The following MED12L variants were observed in gnomAD, a reference collection of about 807,000 sequenced individuals.
MED12L encodes the protein mediator complex subunit 12L, also known as mediator of RNA polymerase II transcription subunit 12-like protein.
MED12L carries 60 observed loss-of-function variants against 281.3 expected under a neutral mutation model. The observed-to-expected ratio is 0.21, with a 90% CI of 0.17 to 0.26. The LOEUF (loss-of-function observed/expected upper bound fraction) is 0.26. MED12L is among the 10% of genes least tolerant of loss of function. MED12L has a pLI of 1.00. For missense variants in MED12L, 2,146 were observed against 2,680.9 expected, an observed-to-expected ratio of 0.80 and a Z score of 4.41; for synonymous variants, 974 against 987.2, an observed-to-expected ratio of 0.99 and a Z score of 0.25.
At chr3:151,264,610 A>C (rs1739488000) in intron 16 of MED12L, among the ~76,000 whole-genome samples, 1 of 152,192 alleles carries the variant, frequency 6.6e-6, no homozygotes, top group African/African-American at 2.4e-5. Flanking sequence ...TTGCAGTTTA[A>C]TTTGTGTATT....
At chr3:151,198,193 G>A (rs1197474045) in intron 16 of MED12L, 1 of 372,702 alleles carries the variant, frequency 2.7e-6, no homozygotes, top group African/African-American at 2.1e-5. Flanking sequence ...CGTTCAATGA[G>A]ACTCTTTAGT....
chr3:151,417,219 G>A (rs953116093), intron 43 of MED12L, among the ~76,000 whole-genome samples: 9 of 152,182 alleles, frequency 5.9e-5, no homozygotes, highest in African/African-American at 1.7e-4. Context: ...CTGGCTGACC[G>A]CTCATGTCTC....
intron 23 of MED12L, among the ~76,000 whole-genome samples, chr3:151,366,487 G>C (rs183246989): frequency 4.8e-4 from 73 of 152,304 alleles, no homozygotes; most frequent in Non-Finnish European, 8.1e-4. Context: ...GGCAATTAAT[G>C]CCTGGAAGAT....
intron 16 of MED12L, 61 bp from the exon 17 acceptor site, chr3:151,349,998 A>G: frequency 6.6e-7 from 1 of 1,523,130 alleles, no homozygotes; most frequent in Non-Finnish European, 9.0e-7. Context: ...CATTTCAGGG[A>G]TATGAAATGC....
chr3:151,125,922 G>T (rs1389819549), intron 4 of MED12L, among the ~76,000 whole-genome samples: 1 of 152,064 alleles, frequency 6.6e-6, no homozygotes, highest in Admixed American at 6.6e-5. Context: ...TAGTTGTGTT[G>T]TGTGCAGTGT....
rs1237036382 is a variant in MED12L at position 151,243,623 on chromosome 3, A to T, written c.2250+49957A>T. On this transcript the variant is annotated intron_variant, in intron 16 of 44. Coordinates refer to ENST00000687756, the MANE Select transcript of MED12L (RefSeq NM_001393769.1). ...AAAGAGCTCCTGAAGGAAGCGCTAAACATGGAAAGGAACAACTGGTACCAG... is the reference window on the plus strand; with the variant it reads ...AAAGAGCTCCTGAAGGAAGCGCTAATCATGGAAAGGAACAACTGGTACCAG... 1.1e-4 allele frequency among the ~76,000 whole-genome samples: 17 copies of T among 151,950 alleles called. No individual in the cohort carries two copies. In the East Asian group the frequency reaches 3.3e-3, roughly 29 times the overall value.
At chr3:151,353,526 A>T (rs967255292) in intron 17 of MED12L, among the ~76,000 whole-genome samples, 15 of 152,216 alleles carry the variant, frequency 9.9e-5, no homozygotes, top group Admixed American at 5.9e-4. Flanking sequence ...TTAAATTCTG[A>T]TGTACTCTAG....
chr3:151,338,879 A>G (rs754761664), intron 16 of MED12L: 7 of 1,604,254 alleles, frequency 4.4e-6, no homozygotes, highest in Non-Finnish European at 6.0e-6. Flanking sequence ...AAAAGAGAGG[A>G]TGGTTATTTT....
intron 2 of MED12L, among the ~76,000 whole-genome samples, chr3:151,108,482 T>A (rs1711496590): frequency 6.6e-6 from 1 of 152,128 alleles, no homozygotes; most frequent in Non-Finnish European, 1.5e-5. Flanking sequence ...TTTACAGACA[T>A]CCTTGGGGGT....
At chr3:151,419,893 C>G (rs113478482) in intron 43 of MED12L, among the ~76,000 whole-genome samples, 1,244 of 114,876 alleles carry the variant, frequency 0.011, 13 homozygotes, top group African/African-American at 0.041. Context: ...TGTATACCTG[C>G]ACAAACATGT....
At chr3:151,338,684 C>T (rs781350611) in intron 16 of MED12L, 2 of 1,613,488 alleles carry the variant, frequency 1.2e-6, no homozygotes, top group African/African-American at 2.7e-5. Context: ...TTGATTTACT[C>T]CGGATTTGAA....
chr3:151,258,781 G>A (rs1268888208), intron 16 of MED12L, among the ~76,000 whole-genome samples: 1 of 150,916 alleles, frequency 6.6e-6, no homozygotes, highest in African/African-American at 2.4e-5. Context: ...GAACTTGGGA[G>A]GTGGAGGTTG....
At chr3:151,420,545 G>A (rs1718120872) in intron 43 of MED12L, among the ~76,000 whole-genome samples, 1 of 152,130 alleles carries the variant, frequency 6.6e-6, no homozygotes, top group African/African-American at 2.4e-5. Context: ...TCCTGGCTAT[G>A]GGAGAAACAG....
chr3:151,269,397 T>TCTCACACACA (rs925857835), intron 16 of MED12L: 33 of 144,608 alleles, frequency 2.3e-4, no homozygotes, highest in African/African-American at 9.1e-4. Flanking sequence ...TGAAACTCCA[T>TCTCACACACA]CACACACACA....
intron 26 of MED12L, among the ~76,000 whole-genome samples, chr3:151,370,149 A>G (rs1355056532): frequency 6.6e-6 from 1 of 152,186 alleles, no homozygotes; most frequent in Non-Finnish European, 1.5e-5. Flanking sequence ...CTTATTTGTA[A>G]GAATTTTCCT....
chr3:151,214,617 C>T (rs571043285), intron 16 of MED12L, among the ~76,000 whole-genome samples: 114 of 149,796 alleles, frequency 7.6e-4, no homozygotes, highest in Non-Finnish European at 1.3e-3. Flanking sequence ...CTTTTCCCTC[C>T]TCTTCCTTCT....
intron 20 of MED12L, 50 bp downstream of exon 20, chr3:151,357,426 C>A: frequency 1.4e-6 from 2 of 1,476,052 alleles, no homozygotes; most frequent in Non-Finnish European, 1.8e-6. Flanking sequence ...GAATGTATAA[C>A]TAGTGATGAA....
intron 16 of MED12L, among the ~76,000 whole-genome samples, chr3:151,331,778 T>A (rs1300570719): frequency 6.7e-6 from 1 of 150,170 alleles, no homozygotes; most frequent in Non-Finnish European, 1.5e-5. Context: ...TTATATTATC[T>A]TATTTAATCC....
chr3:151,168,205 G>A (rs1720964489), intron 11 of MED12L, among the ~76,000 whole-genome samples: 2 of 152,170 alleles, frequency 1.3e-5, no homozygotes, highest in South Asian at 4.1e-4. Context: ...TCCGGAGTGG[G>A]TGCTTGCAAT....
Sources: allele counts gnomAD v4.1 joint callset (sites outside exome capture counted in the v4.1 genomes callset), GRCh38; gene constraint gnomAD v4.1.1; transcripts MANE v1.5; gene names NCBI Gene and HGNC (gene_info 2026-07-23, HGNC 2026-07-21).